The following MALRD1 variants were observed in gnomAD, a reference collection of about 807,000 sequenced individuals.
MALRD1 encodes MAM and LDL receptor class A domain containing 1.
A neutral mutation model predicts 242.1 loss-of-function variants in MALRD1; 247 were observed. The observed-to-expected ratio is 1.02, with a 90% CI of 0.92 to 1.13. The LOEUF is 1.13. MALRD1 is among the 50% of genes most tolerant of loss of function. The probability of loss-of-function intolerance (pLI) is 0.00; values close to 1 mark genes in which losing one functional copy is unlikely to be tolerated. For synonymous variants in MALRD1, 995 were observed against 866.6 expected (o/e 1.15, Z -2.60); for missense variants, 2,989 against 2,533.1 (o/e 1.18, Z -3.86).
rs185334032 is a variant in MALRD1, at chr10:19,322,664, G to A, written c.3420-1285G>A. On this transcript the variant is annotated intron_variant, in intron 21 of 39. Coordinates refer to ENST00000454679, the MANE Select transcript of MALRD1 (RefSeq NM_001142308.3). The stretch of plus-strand genomic sequence containing the variant: ...GTGTCTTTTGCAGACAATTATATTC[G>A]TAGAAACTTGGACAGCCACTGGCAA... Among the ~76,000 whole-genome samples the A allele has an allele frequency of 3.0e-4, 45 of 152,236 alleles. No individual in the cohort carries two copies. In the East Asian group the frequency reaches 7.5e-3, roughly 25 times the overall value.
intron 32 of MALRD1, among the ~76,000 whole-genome samples, chr10:19,557,595 GT>G (rs1277231031): frequency 6.6e-6 from 1 of 152,036 alleles, no homozygotes; most frequent in East Asian, 1.9e-4. Flanking sequence ...ATTTGTGTGA[GT>G]CTGTTTCTGG....
intron 12 of MALRD1, among the ~76,000 whole-genome samples, chr10:19,157,071 G>A (rs1454016690): frequency 6.6e-6 from 1 of 152,056 alleles, no homozygotes; most frequent in Non-Finnish European, 1.5e-5. Context: ...CTCTATTTTA[G>A]GAGTCTTTGA....
intron 36 of MALRD1, among the ~76,000 whole-genome samples, chr10:19,685,378 G>A (rs1393054473): frequency 6.6e-6 from 1 of 152,052 alleles, no homozygotes; most frequent in Non-Finnish European, 1.5e-5. Flanking sequence ...AGAGTATCTT[G>A]TACATAGTAG....
intron 26 of MALRD1, among the ~76,000 whole-genome samples, chr10:19,377,554 A>G (rs1845661580): frequency 6.6e-6 from 1 of 152,102 alleles, no homozygotes; most frequent in South Asian, 2.1e-4. Flanking sequence ...ACTACTTCAT[A>G]AGATTGTTGT....
chr10:19,388,350 A>G (rs1846176379), intron 27 of MALRD1, among the ~76,000 whole-genome samples: 1 of 152,210 alleles, frequency 6.6e-6, no homozygotes, highest in Admixed American at 6.5e-5. Flanking sequence ...AAACCATAAC[A>G]GTTTTTAGCC....
At chr10:19,304,252 C>G (rs1430967213) in intron 21 of MALRD1, among the ~76,000 whole-genome samples, 1 of 151,604 alleles carries the variant, frequency 6.6e-6, no homozygotes, top group Non-Finnish European at 1.5e-5. Flanking sequence ...TCATGTTCTC[C>G]AGGTTACACA....
At chr10:19,328,621 G>A (rs1270292482) in intron 23 of MALRD1, among the ~76,000 whole-genome samples, 2 of 152,134 alleles carry the variant, frequency 1.3e-5, no homozygotes, top group Non-Finnish European at 2.9e-5. Flanking sequence ...ACTCCAGTGG[G>A]AGTATACAGG....
intron 12 of MALRD1, among the ~76,000 whole-genome samples, chr10:19,159,751 G>T (rs1249311992): frequency 6.6e-6 from 1 of 152,050 alleles, no homozygotes; most frequent in African/African-American, 2.4e-5. Flanking sequence ...GGTCCCAGAG[G>T]CACTGTACAG....
intron 19 of MALRD1, among the ~76,000 whole-genome samples, chr10:19,262,459 C>A (rs974083277): frequency 6.6e-6 from 1 of 151,860 alleles, no homozygotes; most frequent in Admixed American, 6.6e-5. Context: ...AGTTCAACAC[C>A]AGCCTGGTCA....
chr10:19,682,219 C>T (rs1842403984), intron 36 of MALRD1, among the ~76,000 whole-genome samples: 1 of 152,082 alleles, frequency 6.6e-6, no homozygotes, highest in South Asian at 2.1e-4. Context: ...ACGTGAGGTT[C>T]CTCATTTGTT....
At chr10:19,437,610 T>G (rs1834402892) in intron 28 of MALRD1, among the ~76,000 whole-genome samples, 1 of 152,106 alleles carries the variant, frequency 6.6e-6, no homozygotes, top group African/African-American at 2.4e-5. Flanking sequence ...GTCTTTTCAC[T>G]CACAATATTC....
chr10:19,318,819 A>G (rs180678637), intron 21 of MALRD1, among the ~76,000 whole-genome samples: 21 of 152,112 alleles, frequency 1.4e-4, no homozygotes, highest in African/African-American at 5.1e-4. Context: ...TATTTTGCCT[A>G]TTTTGTAGGT....
chr10:19,269,320 G>T (rs1200573603), intron 19 of MALRD1, among the ~76,000 whole-genome samples: 3 of 152,242 alleles, frequency 2.0e-5, no homozygotes, highest in Admixed American at 6.5e-5. Flanking sequence ...CTTACAAAAA[G>T]AGGATGAGAC....
At chr10:19,573,848 G>T (rs1482663348) in intron 33 of MALRD1, among the ~76,000 whole-genome samples, 1 of 152,104 alleles carries the variant, frequency 6.6e-6, no homozygotes, top group African/African-American at 2.4e-5. Flanking sequence ...GCTACAACAT[G>T]TTCAAACCCT....
At chr10:19,316,457 G>A (rs2132011607) in intron 21 of MALRD1, among the ~76,000 whole-genome samples, 1 of 151,948 alleles carries the variant, frequency 6.6e-6, no homozygotes, top group South Asian at 2.1e-4. Context: ...AGAAGACTGG[G>A]CAAACAATAC....
chr10:19,084,333 C>T (rs1410645173), intron 2 of MALRD1, among the ~76,000 whole-genome samples: 2 of 151,584 alleles, frequency 1.3e-5, no homozygotes, highest in African/African-American at 4.8e-5. Context: ...GAAATTAGTG[C>T]ACTTTCATAT....
chr10:19,289,125 A>G (rs756377668), intron 21 of MALRD1, among the ~76,000 whole-genome samples: 2 of 152,112 alleles, frequency 1.3e-5, no homozygotes, highest in Admixed American at 6.6e-5. Context: ...AGCAAAGGAC[A>G]CTTACAGAAA....
At chr10:19,388,074 T>A (rs1172133913) in intron 27 of MALRD1, among the ~76,000 whole-genome samples, 1 of 152,178 alleles carries the variant, frequency 6.6e-6, no homozygotes, top group African/African-American at 2.4e-5. Context: ...CCATGTCCCC[T>A]CTTAGATTCT....
chr10:19,539,906 GCGTGCGCGCA>G lies in MALRD1; in HGVS notation c.5478+8557_5478+8566del, dbSNP rs1330581229. ...TGTGTGTGTGTGTGTGTGCGCGCGCGCGTGCGCGCACACACGCGCAGTGATGGGGTTTTGC... is the reference window on the plus strand; with the variant it reads ...TGTGTGTGTGTGTGTGTGCGCGCGCGCACACGCGCAGTGATGGGGTTTTGC... On this transcript the variant is annotated intron_variant, in intron 32 of 39. Transcript: ENST00000454679. Among the ~76,000 whole-genome samples the G allele has an allele frequency of 8.8e-4, 45 of 51,396 alleles. 1 individual carries two copies. The highest frequency in any genetic ancestry group is 1.4e-3 in the Non-Finnish European group (33 of 22,904). The allele number at this position is 51,396 out of a possible 152,430, so 33.7% of individuals were successfully genotyped here.
Sources: gnomAD v4.1 joint callset for allele counts (sites outside exome capture counted in the v4.1 genomes callset) on GRCh38, gnomAD v4.1.1 for gene constraint, MANE v1.5 for transcripts, NCBI Gene and HGNC (gene_info 2026-07-23, HGNC 2026-07-21) for gene names.